The following GASK1B variants were observed in gnomAD, a reference collection of about 807,000 sequenced individuals.
GASK1B encodes the protein Golgi-associated kinase 1B.
A neutral mutation model predicts 42.8 loss-of-function variants in GASK1B; 34 were observed. That is an observed-to-expected ratio of 0.79 (90% CI 0.60 to 1.06). The LOEUF (loss-of-function observed/expected upper bound fraction) is 1.06, where lower values mean the gene tolerates loss of function less well. GASK1B is among the 50% of genes least tolerant of loss of function. The pLI is 0.00. For missense variants in GASK1B, 686 were observed against 661.0 expected, an observed-to-expected ratio of 1.04 and a Z score of -0.42; for synonymous variants, 262 against 259.1, an observed-to-expected ratio of 1.01 and a Z score of -0.11.
chr4:158,155,164 C>T (rs982251157), intron 3 of GASK1B, among the ~76,000 whole-genome samples: 5 of 152,138 alleles, frequency 3.3e-5, no homozygotes, highest in Non-Finnish European at 7.4e-5. Context: ...TTAAGATCGA[C>T]AAAGCAGATT....
chr4:158,145,991 AT>A (rs1386421227), intron 3 of GASK1B, among the ~76,000 whole-genome samples: 1 of 152,186 alleles, frequency 6.6e-6, no homozygotes, highest in Non-Finnish European at 1.5e-5. Flanking sequence ...AATATTAAAT[AT>A]TTTTTATTTG....
chr4:158,162,269 A>T (rs1334417562), intron 2 of GASK1B, among the ~76,000 whole-genome samples: 1 of 152,078 alleles, frequency 6.6e-6, no homozygotes. Context: ...TTTTTATCAC[A>T]CATTTTTTGT....
chr4:158,132,242 G>A (rs1423480907), intron 3 of GASK1B, among the ~76,000 whole-genome samples: 1 of 152,142 alleles, frequency 6.6e-6, no homozygotes, highest in African/African-American at 2.4e-5. Flanking sequence ...TGGCTAGACA[G>A]ACACTGCCAC....
At chr4:158,160,399 G>A (rs1007080616) in intron 2 of GASK1B, among the ~76,000 whole-genome samples, 11 of 152,008 alleles carry the variant, frequency 7.2e-5, no homozygotes, top group African/African-American at 2.7e-4. Flanking sequence ...ACCACAATAA[G>A]ATATGACTTC....
At chr4:158,163,461 C>T (rs983861319) in intron 2 of GASK1B, among the ~76,000 whole-genome samples, 3 of 151,554 alleles carry the variant, frequency 2.0e-5, no homozygotes, top group Non-Finnish European at 4.4e-5. Context: ...CCCAGTTACT[C>T]AGGAGGCTGA....
chr4:158,134,019 T>C (rs1730787046), intron 3 of GASK1B, among the ~76,000 whole-genome samples: 1 of 152,238 alleles, frequency 6.6e-6, no homozygotes, highest in Non-Finnish European at 1.5e-5. Flanking sequence ...CCAACTATAG[T>C]AAATTACGTC....
chr4:158,170,330 GAC>G (rs1732423541), intron 2 of GASK1B, 134 bp downstream of exon 2: 2 of 1,614,120 alleles, frequency 1.2e-6, no homozygotes, highest in Non-Finnish European at 1.7e-6. Context: ...CGCATGGAAA[GAC>G]ACGCTGCTGC....
At chr4:158,142,195 C>A (rs1257792810) in intron 3 of GASK1B, among the ~76,000 whole-genome samples, 1 of 151,510 alleles carries the variant, frequency 6.6e-6, no homozygotes, top group South Asian at 2.1e-4. Flanking sequence ...CCACCCGCCT[C>A]GGCCTCCCAA....
At chr4:158,164,113 C>A (rs1182235932) in intron 2 of GASK1B, among the ~76,000 whole-genome samples, 1 of 152,202 alleles carries the variant, frequency 6.6e-6, no homozygotes, top group Admixed American at 6.5e-5. Context: ...CTCCAGAACA[C>A]TGAACTCACA....
intron 3 of GASK1B, among the ~76,000 whole-genome samples, chr4:158,139,176 C>T (rs1018378641): frequency 5.3e-5 from 8 of 152,196 alleles, no homozygotes; most frequent in South Asian, 2.1e-4. Flanking sequence ...CTGCCTACCA[C>T]GATGCTTCCC....
At chr4:158,135,624 T>G (rs1489334710) in intron 3 of GASK1B, among the ~76,000 whole-genome samples, 2 of 151,718 alleles carry the variant, frequency 1.3e-5, no homozygotes, top group East Asian at 3.9e-4. Flanking sequence ...AGTCCAGGTA[T>G]CTACAGCTTT....
chr4:158,159,472 G>GA, intron 2 of GASK1B: 1 of 427,642 alleles, frequency 2.3e-6, no homozygotes. Flanking sequence ...AGAGATGACA[G>GA]AAAAATTGCC....
intron 3 of GASK1B, among the ~76,000 whole-genome samples, chr4:158,155,157 A>G (rs2110990861): frequency 6.6e-6 from 1 of 152,296 alleles, no homozygotes; most frequent in African/African-American, 2.4e-5. Context: ...ACAGAACTTA[A>G]GATCGACAAA....
intron 3 of GASK1B, among the ~76,000 whole-genome samples, chr4:158,141,604 T>C (rs1364055047): frequency 8.5e-6 from 1 of 117,376 alleles, no homozygotes; most frequent in African/African-American, 3.5e-5. Context: ...TACCTTTTTT[T>C]TTTTTTTTTT....
intron 2 of GASK1B, among the ~76,000 whole-genome samples, chr4:158,161,549 G>C (rs1236627699): frequency 6.6e-6 from 1 of 152,152 alleles, no homozygotes; most frequent in Non-Finnish European, 1.5e-5. Context: ...CTGAAAACAA[G>C]GCATTCTTCT....
At chr4:158,148,321 T>A (rs1468941536) in intron 3 of GASK1B, among the ~76,000 whole-genome samples, 4 of 152,176 alleles carry the variant, frequency 2.6e-5, no homozygotes, top group African/African-American at 9.7e-5. Context: ...AGCAAAAATA[T>A]TAGTTTGCTT....
chr4:158,146,574 T>C (rs1471275833), intron 3 of GASK1B, among the ~76,000 whole-genome samples: 1 of 152,154 alleles, frequency 6.6e-6, no homozygotes, highest in Non-Finnish European at 1.5e-5. Context: ...TTATTCCTAT[T>C]TTACAGATGA....
intron 2 of GASK1B, among the ~76,000 whole-genome samples, chr4:158,160,659 A>G (rs929703107): frequency 2.0e-5 from 3 of 152,164 alleles, no homozygotes; most frequent in African/African-American, 7.2e-5. Context: ...TCCCATGTTC[A>G]CTGCAGCACT....
chr4:158,164,824 C>A (rs759585067), intron 2 of GASK1B, among the ~76,000 whole-genome samples: 1 of 152,306 alleles, frequency 6.6e-6, no homozygotes. Flanking sequence ...GCCTCGGCAA[C>A]TGCACTTTCA....
Sources: gnomAD v4.1 joint callset for allele counts (sites outside exome capture counted in the v4.1 genomes callset) on GRCh38, gnomAD v4.1.1 for gene constraint, MANE v1.5 for transcripts, NCBI Gene and HGNC (gene_info 2026-07-23, HGNC 2026-07-21) for gene names.